ELP4: variants seen among roughly 807,000 people sequenced by gnomAD.
ELP4 encodes the protein elongator complex protein 4.
ELP4 carries 51 observed loss-of-function variants against 48.9 expected under a neutral mutation model. The observed-to-expected ratio is 1.04, with a 90% confidence interval of 0.83 to 1.32. The LOEUF is 1.32. Among genes scored for constraint, ELP4 ranks in the 40% most tolerant of loss-of-function variants. The pLI is 0.00. For synonymous variants in ELP4, 210 were observed against 189.2 expected (o/e 1.11, Z -0.90); for missense variants, 519 against 514.6 (o/e 1.01, Z -0.08).
At chr11:31,612,394 A>G (rs779381084) in intron 5 of ELP4, among the ~76,000 whole-genome samples, 18 of 152,164 alleles carry the variant, frequency 1.2e-4, no homozygotes, top group Non-Finnish European at 1.9e-4. Context: ...GGAAGAATAC[A>G]CTGACTACAG....
intron 9 of ELP4, among the ~76,000 whole-genome samples, chr11:31,743,170 A>C (rs1280969109): frequency 6.6e-6 from 1 of 152,222 alleles, no homozygotes; most frequent in Non-Finnish European, 1.5e-5. Flanking sequence ...ATAATGGTAA[A>C]GGGATCAATT....
intron 9 of ELP4, among the ~76,000 whole-genome samples, chr11:31,754,880 A>G (rs1354149723): frequency 6.6e-6 from 1 of 152,072 alleles, no homozygotes; most frequent in Non-Finnish European, 1.5e-5. Flanking sequence ...TCAAAAATAA[A>G]TCCTCTCCCT....
At chr11:31,516,290 A>G (rs1314952063) in intron 1 of ELP4, among the ~76,000 whole-genome samples, 1 of 152,170 alleles carries the variant, frequency 6.6e-6, no homozygotes, top group Admixed American at 6.5e-5. Flanking sequence ...TAGACACCAT[A>G]ATGTCTCTTG....
intron 9 of ELP4, among the ~76,000 whole-genome samples, chr11:31,698,951 A>G (rs1272541301): frequency 6.6e-6 from 1 of 152,204 alleles, no homozygotes; most frequent in African/African-American, 2.4e-5. Flanking sequence ...ATTGCTTGAA[A>G]TTTGAAAGAA....
intron 9 of ELP4, among the ~76,000 whole-genome samples, chr11:31,694,345 T>C (rs906382571): frequency 6.6e-5 from 10 of 152,190 alleles, no homozygotes; most frequent in African/African-American, 2.4e-4. Context: ...TTGTATAAGG[T>C]GTAAGGAAGG....
At chr11:31,558,462 A>G (rs1451982338) in intron 3 of ELP4, among the ~76,000 whole-genome samples, 2 of 152,212 alleles carry the variant, frequency 1.3e-5, no homozygotes, top group Non-Finnish European at 2.9e-5. Flanking sequence ...ATGTTTATTC[A>G]TCAATCAACA....
intron 9 of ELP4, among the ~76,000 whole-genome samples, chr11:31,664,724 A>G (rs1333951740): frequency 6.6e-6 from 1 of 152,156 alleles, no homozygotes; most frequent in Non-Finnish European, 1.5e-5. Flanking sequence ...TGAAGGAAAG[A>G]TACTAAAAAT....
chr11:31,604,593 A>G (rs1022586810), intron 5 of ELP4, among the ~76,000 whole-genome samples: 1 of 151,928 alleles, frequency 6.6e-6, no homozygotes, highest in African/African-American at 2.4e-5. Flanking sequence ...TCAGTAAGTT[A>G]TGGAACAGAT....
At chr11:31,623,390 T>TATATATATTAAA (rs67986763) in intron 5 of ELP4, among the ~76,000 whole-genome samples, 1 of 92,610 alleles carries the variant, frequency 1.1e-5, no homozygotes, top group African/African-American at 3.6e-5. Context: ...TATATATATA[T>TATATATATTAAA]AAAACTAGAA....
intron 9 of ELP4, among the ~76,000 whole-genome samples, chr11:31,706,515 A>G (rs1946636652): frequency 6.8e-6 from 1 of 148,004 alleles, no homozygotes; most frequent in African/African-American, 2.4e-5. Context: ...ATATATTTAT[A>G]TATGTAATTA....
intron 9 of ELP4, chr11:31,662,650 T>G (rs1945588087): frequency 2.5e-6 from 1 of 397,516 alleles, no homozygotes; most frequent in Non-Finnish European, 4.4e-6. Context: ...TTAAAGAAAA[T>G]TTACTGAGAG....
intron 9 of ELP4, among the ~76,000 whole-genome samples, chr11:31,776,000 A>C (rs1948238296): frequency 6.6e-6 from 1 of 152,002 alleles, no homozygotes; most frequent in South Asian, 2.1e-4. Context: ...AATTAAAAAA[A>C]ATCAGTTGGA....
chr11:31,632,137 G>C, intron 6 of ELP4, 80 bp from the exon 7 acceptor site: 1 of 1,182,766 alleles, frequency 8.5e-7, no homozygotes, highest in Non-Finnish European at 1.2e-6. Flanking sequence ...ATGTTATAAA[G>C]ATAAGAACTG....
chr11:31,773,662 G>C (rs2096474701), intron 9 of ELP4, among the ~76,000 whole-genome samples: 2 of 152,116 alleles, frequency 1.3e-5, no homozygotes, highest in South Asian at 4.1e-4. Flanking sequence ...AAAATAAATG[G>C]TCTCCACAAC....
chr11:31,552,214 T>C (rs187728855), intron 3 of ELP4, among the ~76,000 whole-genome samples: 4 of 152,298 alleles, frequency 2.6e-5, no homozygotes, highest in Admixed American at 2.6e-4. Flanking sequence ...TTCTTACTTA[T>C]TTACTCAAAC....
intron 2 of ELP4, among the ~76,000 whole-genome samples, chr11:31,532,071 T>C (rs1205033139): frequency 1.3e-5 from 2 of 152,202 alleles, no homozygotes; most frequent in Non-Finnish European, 2.9e-5. Flanking sequence ...AGTATTTAAA[T>C]CTTGCCACAG....
chr11:31,738,502 A>G (rs1342959831), intron 9 of ELP4, among the ~76,000 whole-genome samples: 1 of 151,932 alleles, frequency 6.6e-6, no homozygotes, highest in African/African-American at 2.4e-5. Context: ...GCGGGGGGCT[A>G]AGGCTGGTGG....
At chr11:31,561,767 A>G (rs930226428) in intron 3 of ELP4, among the ~76,000 whole-genome samples, 1 of 152,152 alleles carries the variant, frequency 6.6e-6, no homozygotes. Flanking sequence ...TTAAAATAAG[A>G]TATAATACAG....
At chr11:31,517,974 A>T (rs1956146987) in intron 1 of ELP4, among the ~76,000 whole-genome samples, 2 of 152,168 alleles carry the variant, frequency 1.3e-5, no homozygotes, top group Non-Finnish European at 2.9e-5. Flanking sequence ...TTTGATACTC[A>T]TTTTTTAAAA....
Sources: gnomAD v4.1 joint callset for allele counts (sites outside exome capture counted in the v4.1 genomes callset) on GRCh38, gnomAD v4.1.1 for gene constraint, MANE v1.5 for transcripts, NCBI Gene and HGNC (gene_info 2026-07-23, HGNC 2026-07-21) for gene names.